CAMTA1: variants seen among roughly 807,000 people sequenced by gnomAD.
CAMTA1 encodes the protein calmodulin-binding transcription activator 1.
Under a neutral mutation model 170.9 loss-of-function variants are expected in CAMTA1, and 27 were observed. That is an observed-to-expected ratio of 0.16 (90% CI 0.12 to 0.22). CAMTA1 has a LOEUF of 0.22. Among genes scored for constraint, CAMTA1 ranks in the 10% least tolerant of loss-of-function variants. The pLI, the probability that CAMTA1 is intolerant of heterozygous loss-of-function variation, is 1.00. For missense variants in CAMTA1, 1,619 were observed against 2,217.2 expected (o/e 0.73, Z 5.42); for synonymous variants, 833 against 891.5 (o/e 0.93, Z 1.17).
At chr1:7,262,944 G>A (rs962401941) in intron 5 of CAMTA1, among the ~76,000 whole-genome samples, 3 of 152,210 alleles carry the variant, frequency 2.0e-5, no homozygotes, top group African/African-American at 7.2e-5. Context: ...CCTTCCAGGT[G>A]CAGAACCGAT....
chr1:7,564,414 C>T (rs933279695), intron 6 of CAMTA1, among the ~76,000 whole-genome samples: 5 of 152,232 alleles, frequency 3.3e-5, no homozygotes, highest in Admixed American at 6.5e-5. Flanking sequence ...GAGAGGGCGG[C>T]GCCTTCACAG....
At chr1:7,523,149 G>A (rs1015045062) in intron 6 of CAMTA1, among the ~76,000 whole-genome samples, 2 of 152,182 alleles carry the variant, frequency 1.3e-5, no homozygotes, top group African/African-American at 4.8e-5. Flanking sequence ...TTACAGGCGT[G>A]AGCCACCGTG....
At chr1:7,750,329 C>T (rs1577402549) in intron 19 of CAMTA1, among the ~76,000 whole-genome samples, 1 of 152,210 alleles carries the variant, frequency 6.6e-6, no homozygotes, top group Non-Finnish European at 1.5e-5. Context: ...TAGGCAGATA[C>T]AGGGATTTTC....
chr1:7,438,791 C>T (rs1315124843), intron 5 of CAMTA1, among the ~76,000 whole-genome samples: 9 of 152,292 alleles, frequency 5.9e-5, no homozygotes, highest in East Asian at 3.9e-4. Flanking sequence ...CTGTGGAGCC[C>T]GGAAGGCCTG....
In CAMTA1 at chr1:7,224,794, C is replaced by T. The variant is rs941068409; in HGVS notation, c.303-24697C>T. Among the ~76,000 whole-genome samples the T allele has an allele frequency of 1.3e-5, 2 of 150,882 alleles. No individual in the cohort carries two copies. Among genetic ancestry groups the T allele is most frequent in the African/African-American group, 2.5e-5 (1 of 40,208 alleles). ...TGCCCCGCTCCCCAGGGCCCTGCTC[C>T]GTAGCTGCTCCATGTCGTCTGGATG... On this transcript the variant is annotated intron_variant, in intron 4 of 22. Coordinates refer to ENST00000303635, the MANE Select transcript of CAMTA1 (RefSeq NM_015215.4). This position sits in a 1 kb window ranked among gnomAD's most constrained non-coding sequence, Gnocchi z 5.2.
intron 3 of CAMTA1, among the ~76,000 whole-genome samples, chr1:6,851,595 G>C (rs72638518): frequency 0.12 from 18,496 of 152,210 alleles, 1,685 homozygotes; most frequent in Admixed American, 0.28. Context: ...ATAGTAACCA[G>C]AGGCCAGGTG....
intron 4 of CAMTA1, among the ~76,000 whole-genome samples, chr1:7,117,287 C>T (rs1427166394): frequency 1.3e-5 from 2 of 152,160 alleles, no homozygotes; most frequent in Non-Finnish European, 1.5e-5. Flanking sequence ...TCTTTTTATA[C>T]TCACATTTCA....
rs1400499433 is a variant in CAMTA1 at position 7,609,772 on chromosome 1, C to G, written c.511-30628C>G. Among the ~76,000 whole-genome samples the G allele has an allele frequency of 6.6e-6, 1 of 152,206 alleles. No individual in the cohort carries two copies. Among genetic ancestry groups the G allele is most frequent in the Admixed American group, 6.5e-5 (1 of 15,286 alleles). On this transcript the variant is annotated intron_variant, in intron 6 of 22. Coordinates refer to ENST00000303635, the MANE Select transcript of CAMTA1 (RefSeq NM_015215.4). The surrounding 1 kb of genome is among the most constrained non-coding windows in gnomAD (Gnocchi z 4.4). ...GAGCCTCTCTTTCCTGTCTGCAAAGCCAGGTGGGAACTGCCCTCCCGCAGG... is the reference window on the plus strand; with the variant it reads ...GAGCCTCTCTTTCCTGTCTGCAAAGGCAGGTGGGAACTGCCCTCCCGCAGG...
intron 4 of CAMTA1, among the ~76,000 whole-genome samples, chr1:7,150,142 C>T (rs540499932): frequency 5.3e-5 from 8 of 152,290 alleles, no homozygotes; most frequent in South Asian, 2.1e-4. Flanking sequence ...GCCCACTGTC[C>T]GTAAGGAGTG....
At chr1:7,231,399 G>A (rs1021456873) in intron 4 of CAMTA1, among the ~76,000 whole-genome samples, 1 of 147,852 alleles carries the variant, frequency 6.8e-6, no homozygotes, top group Non-Finnish European at 1.5e-5. Flanking sequence ...AAAGAGTCTC[G>A]CTCTGTCGCC....
At chr1:7,116,654 C>CTTTTT (rs34283711) in intron 4 of CAMTA1, among the ~76,000 whole-genome samples, 5 of 143,438 alleles carry the variant, frequency 3.5e-5, no homozygotes, top group South Asian at 2.2e-4. Flanking sequence ...TTCTTTCTTT[C>CTTTTT]TTTTTTTTTT....
chr1:7,447,260 T>G, intron 5 of CAMTA1, among the ~76,000 whole-genome samples: 1 of 148,438 alleles, frequency 6.7e-6, no homozygotes. Context: ...AGGGAGAGAG[T>G]AGGGGAGGGA....
chr1:7,124,536 T>G (rs909303761), intron 4 of CAMTA1, among the ~76,000 whole-genome samples: 1 of 152,230 alleles, frequency 6.6e-6, no homozygotes, highest in African/African-American at 2.4e-5. Flanking sequence ...ACGCTTATCC[T>G]CTATCTGCCC....
rs1199701791 is a variant in CAMTA1 at position 7,729,124 on chromosome 1, C to CT, written c.2915-3314dup. Among the ~76,000 whole-genome samples the CT allele has an allele frequency of 1.1e-3, 137 of 120,284 alleles. 1 individual carries two copies. In the Middle Eastern group the frequency reaches 0.013, roughly 12 times the overall value. The allele number at this position is 120,284 out of a possible 152,430, so 78.9% of individuals were successfully genotyped here. On this transcript the variant is annotated intron_variant, in intron 11 of 22. Transcript: ENST00000303635. ...ATTAATATGAGGAATCTTTTTTTTTCTTTTTTTTTTGAGACAGAGTCTCAC... is the reference window on the plus strand; with the variant it reads ...ATTAATATGAGGAATCTTTTTTTTTCTTTTTTTTTTTGAGACAGAGTCTCAC...
intron 3 of CAMTA1, among the ~76,000 whole-genome samples, chr1:6,877,633 A>G (rs912915052): frequency 7.2e-5 from 11 of 152,146 alleles, no homozygotes; most frequent in African/African-American, 2.7e-4. Context: ...GAGATTTTCC[A>G]CTTTCCGCAC....
At chr1:6,998,538 C>G (rs1697684455) in intron 3 of CAMTA1, among the ~76,000 whole-genome samples, 1 of 152,174 alleles carries the variant, frequency 6.6e-6, no homozygotes, top group Non-Finnish European at 1.5e-5. Context: ...CAAGCCTGTC[C>G]CCAGGGAGAC....
At chr1:7,230,111 T>TC (rs199856770) in intron 4 of CAMTA1, among the ~76,000 whole-genome samples, 58 of 150,246 alleles carry the variant, frequency 3.9e-4, no homozygotes, top group African/African-American at 1.0e-3. Flanking sequence ...TCCTAGGGTG[T>TC]CCCCCCCCAC....
chr1:6,948,726 T>A (rs1222719564), intron 3 of CAMTA1, among the ~76,000 whole-genome samples: 2 of 152,050 alleles, frequency 1.3e-5, no homozygotes, highest in Non-Finnish European at 2.9e-5. Context: ...GTTCAGAAAA[T>A]TGATGCTTAG....
chr1:6,932,382 C>G (rs537880544), intron 3 of CAMTA1, among the ~76,000 whole-genome samples: 135 of 152,248 alleles, frequency 8.9e-4, no homozygotes, highest in Non-Finnish European at 8.8e-5. Context: ...GAGTAGTGTT[C>G]TGTTGTATGG....
Sources: allele counts gnomAD v4.1 joint callset (sites outside exome capture counted in the v4.1 genomes callset), GRCh38; gene constraint gnomAD v4.1.1; non-coding constraint Gnocchi (gnomAD v3.1); transcripts MANE v1.5; gene names NCBI Gene and HGNC (gene_info 2026-07-23, HGNC 2026-07-21).